Variants in POLA2 observed in about 807,000 individuals in gnomAD.
POLA2 encodes the protein DNA polymerase alpha subunit B.
In POLA2, 47 loss-of-function variants were observed where a neutral mutation model predicts 82.8. The observed-to-expected ratio is 0.57, with a 90% CI of 0.45 to 0.72. The LOEUF is 0.72. Ranked by LOEUF, POLA2 falls within the 30% of genes least tolerant of loss-of-function variation. The pLI, the probability that POLA2 is intolerant of heterozygous loss-of-function variation, is 0.00. For synonymous variants in POLA2, 287 were observed against 286.8 expected, an observed-to-expected ratio of 1.00 and a Z score of -0.01; for missense variants, 634 against 728.1, an observed-to-expected ratio of 0.87 and a Z score of 1.49.
intron 1 of POLA2, among the ~76,000 whole-genome samples, chr11:65,266,003 A>G (rs1295305840): frequency 2.0e-5 from 3 of 152,078 alleles, no homozygotes; most frequent in Non-Finnish European, 4.4e-5. Context: ...TGCCTGAACT[A>G]CAGGCTGGTT....
At chr11:65,303,601 C>T (rs185200133), downstream of POLA2, among the ~76,000 whole-genome samples, 29 of 152,224 alleles carry the variant, frequency 1.9e-4, no homozygotes, top group East Asian at 5.4e-3. Flanking sequence ...GTAAGCACTC[C>T]ACACCCCACA....
chr11:65,270,046 G>T (rs969483718), intron 4 of POLA2, among the ~76,000 whole-genome samples: 1 of 152,188 alleles, frequency 6.6e-6, no homozygotes, highest in African/African-American at 2.4e-5. Flanking sequence ...CAGCCAGGCT[G>T]GTCTCGTACT....
intron 9 of POLA2, 106 bp downstream of exon 9, chr11:65,281,838 T>C (rs1949644929): frequency 1.1e-6 from 1 of 898,182 alleles, no homozygotes; most frequent in South Asian, 1.4e-5. Flanking sequence ...ATTTATTTGT[T>C]AGTCAGTTCT....
intron 10 of POLA2, 34 bp from the exon 11 acceptor site, chr11:65,287,682 C>T: frequency 1.9e-6 from 3 of 1,590,558 alleles, no homozygotes; most frequent in Non-Finnish European, 2.6e-6. Flanking sequence ...AATACTAGTC[C>T]TCTTCTAATC....
At position 65,275,957 on chromosome 11, in the gene POLA2, T is replaced by G. The variant is rs749213398; in HGVS notation, c.420T>G (p.Arg140=). The G allele has an allele frequency of 3.7e-6, 6 of 1,608,792 alleles. No homozygotes were observed. Among genetic ancestry groups the G allele is most frequent in the Admixed American group, 1.7e-5 (1 of 59,178 alleles). Residue 140 remains arginine (R), a synonymous_variant, in exon 5 of 18, where the codon CGT becomes CGG. Coordinates refer to ENST00000265465, the MANE Select transcript of POLA2 (RefSeq NM_002689.4). ...TAACAAAAAGGAGTGTGTCAACTCGTAGCCCCCATCAGCTACTCTCACCGT... is the reference window on the plus strand; with the variant it reads ...TAACAAAAAGGAGTGTGTCAACTCGGAGCCCCCATCAGCTACTCTCACCGT... The part of the protein sequence containing the change: ...TPLTKRSVST[R]SPHQLLSPSS...
At chr11:65,263,069 A>G (rs1949416434) in intron 1 of POLA2, among the ~76,000 whole-genome samples, 1 of 152,144 alleles carries the variant, frequency 6.6e-6, no homozygotes, top group Non-Finnish European at 1.5e-5. Flanking sequence ...TGGAAGTTCT[A>G]GAATCGGTAT....
chr11:65,297,248 T>G lies in POLA2; in HGVS notation c.1776T>G (p.Ala592=). ...DGAERQSPCI[A]VQVVRI is the part of the protein sequence containing the mutation. ...CAGAGAGGCAGAGCCCATGCATTGC[T>G]GTGCAGGTCGTCAGGATCTGAGGCT... The change falls in exon 18 of 18, where the codon GCT becomes GCG. Residue 592 remains alanine, a synonymous_variant. Coordinates refer to ENST00000265465, the MANE Select transcript of POLA2 (RefSeq NM_002689.4). 6.2e-7 allele frequency: 1 copy of G among 1,610,522 alleles called. No individual in the cohort carries two copies. The highest frequency in any genetic ancestry group is 8.5e-7 in the Non-Finnish European group (1 of 1,178,136).
chr11:65,305,555 T>C, exon 9 of POLA2: 2 of 370,474 alleles, frequency 5.4e-6, no homozygotes, highest in Non-Finnish European at 1.1e-5. Flanking sequence ...GTGCCTGTAG[T>C]CCCAGCCACG....
chr11:65,266,962 C>G (rs1949468157), intron 2 of POLA2, among the ~76,000 whole-genome samples: 1 of 152,194 alleles, frequency 6.6e-6, no homozygotes, highest in Non-Finnish European at 1.5e-5. Flanking sequence ...AATCCCAGAA[C>G]TTTGGGAGGC....
Position 65,262,182 on chromosome 11 carries a change from A to G in POLA2, c.-111A>G. 2 of 776,724 alleles carry G rather than the reference A, an allele frequency of 2.6e-6. No individual in the cohort carries two copies. Among genetic ancestry groups the G allele is most frequent in the South Asian group, 3.0e-5 (2 of 66,844 alleles). 48.1% of individuals were successfully genotyped at this position (776,724 alleles called of 1,614,324 possible). A position where few individuals can be genotyped will look rare whatever the true frequency, so the allele number is the denominator to read the frequency against. ...AGTCACCTCCTGTCACGGTCCGCGG[A>G]GGGGGGAAGGATAAGAGGGCGAGGA... On this transcript the variant is annotated 5_prime_UTR_variant, in exon 1 of 18. Coordinates refer to ENST00000265465, the MANE Select transcript of POLA2 (RefSeq NM_002689.4).
downstream of POLA2, among the ~76,000 whole-genome samples, chr11:65,301,806 T>G (rs1949860654): frequency 1.3e-5 from 2 of 152,322 alleles, no homozygotes; most frequent in African/African-American, 4.8e-5. Flanking sequence ...GACTCCCAGC[T>G]GCATTCAGGC....
At chr11:65,287,366 T>C (rs887698111) in intron 10 of POLA2, among the ~76,000 whole-genome samples, 1 of 152,206 alleles carries the variant, frequency 6.6e-6, no homozygotes, top group African/African-American at 2.4e-5. Context: ...AGTGCTATCC[T>C]GTACCCTGCC....
downstream of POLA2, among the ~76,000 whole-genome samples, chr11:65,300,587 TTTTG>T (rs1949854457): frequency 6.7e-6 from 1 of 149,730 alleles, no homozygotes; most frequent in African/African-American, 2.5e-5. Context: ...TTGTTTGTTT[TTTTG>T]TTTGTTTCTG....
chr11:65,296,237 G>A (rs1021401339), intron 17 of POLA2: 2 of 429,896 alleles, frequency 4.7e-6, no homozygotes, highest in South Asian at 2.4e-5. Flanking sequence ...AGATGACTAG[G>A]AAGGCCCTCA....
intron 1 of POLA2, among the ~76,000 whole-genome samples, chr11:65,264,816 A>G (rs1033207052): frequency 4.6e-5 from 7 of 152,136 alleles, no homozygotes; most frequent in Non-Finnish European, 7.3e-5. Context: ...CATATTTTCT[A>G]TTTTCCTTGC....
intron 13 of POLA2, among the ~76,000 whole-genome samples, chr11:65,291,714 GT>G (rs1001032442): frequency 1.4e-4 from 22 of 152,186 alleles, no homozygotes; most frequent in African/African-American, 5.3e-4. Flanking sequence ...TCCTTACCCC[GT>G]GTGGTATTGA....
At chr11:65,305,468 G>C in exon 9 of POLA2, 1 of 447,234 alleles carries the variant, frequency 2.2e-6, no homozygotes, top group South Asian at 1.6e-5. Context: ...TGGGGGCCTG[G>C]TACCTGGCAC....
At chr11:65,269,988 C>A (rs895948268) in intron 4 of POLA2, among the ~76,000 whole-genome samples, 1 of 152,150 alleles carries the variant, frequency 6.6e-6, no homozygotes, top group Non-Finnish European at 1.5e-5. Context: ...TGCGCCACTA[C>A]GGCCAGCTAA....
Sources: gnomAD v4.1 joint callset for allele counts (sites outside exome capture counted in the v4.1 genomes callset) on GRCh38, gnomAD v4.1.1 for gene constraint, MANE v1.5 for transcripts, NCBI Gene and HGNC (gene_info 2026-07-23, HGNC 2026-07-21) for gene names.